MDFIC2: variants seen among roughly 807,000 people sequenced by gnomAD.
MDFIC2 encodes the protein MyoD family inhibitor domain containing 2, also known as myoD family inhibitor domain-containing protein 2.
chr3:70,264,150 A>G (rs1316656036), intron 2 of MDFIC2, among the ~76,000 whole-genome samples: 2 of 152,352 alleles, frequency 1.3e-5, no homozygotes, highest in Admixed American at 1.3e-4. Context: ...AAAATGTAGC[A>G]TATGTTTTGC....
At chr3:70,204,298 C>T (rs1169167113) in intron 3 of MDFIC2, among the ~76,000 whole-genome samples, 1 of 151,950 alleles carries the variant, frequency 6.6e-6, no homozygotes, top group African/African-American at 2.4e-5. Flanking sequence ...TCAGTACGAA[C>T]AATGACCCCA....
chr3:70,232,635 T>C (rs1392680946), intron 2 of MDFIC2, among the ~76,000 whole-genome samples: 1 of 152,060 alleles, frequency 6.6e-6, no homozygotes, highest in East Asian at 1.9e-4. Flanking sequence ...CCTGAGCTCG[T>C]GATCCGCCCG....
At chr3:70,217,015 A>G (rs1033134197) in intron 2 of MDFIC2, among the ~76,000 whole-genome samples, 18 of 152,156 alleles carry the variant, frequency 1.2e-4, no homozygotes, top group Admixed American at 6.5e-5. Context: ...ATCACCAGCC[A>G]TTGCTATCAC....
intron 2 of MDFIC2, among the ~76,000 whole-genome samples, chr3:70,264,364 A>G (rs1701896015): frequency 6.6e-6 from 1 of 152,184 alleles, no homozygotes; most frequent in Non-Finnish European, 1.5e-5. Context: ...TTAGTCTTCT[A>G]AGAGTGGATT....
chr3:70,214,110 A>G (rs1320096499), intron 2 of MDFIC2, among the ~76,000 whole-genome samples: 1 of 152,128 alleles, frequency 6.6e-6, no homozygotes, highest in Non-Finnish European at 1.5e-5. Context: ...ATAAGTAACT[A>G]TGGAGTATTC....
At position 70,196,544 on chromosome 3, in the gene MDFIC2, A is replaced by G. The variant is rs2106716131; in HGVS notation, c.*382T>C. Among the ~76,000 whole-genome samples the G allele has an allele frequency of 6.6e-6, 1 of 152,330 alleles. No individual in the cohort carries two copies. Among genetic ancestry groups the G allele is most frequent in the Middle Eastern group, 3.4e-3 (1 of 294 alleles). Reference sequence around the variant, plus strand: ...CGAGCTAATGTATGTCAATTCTAAAAGAATGCACTAATTTGTCCTGAATTT... The same window carrying G: ...CGAGCTAATGTATGTCAATTCTAAAGGAATGCACTAATTTGTCCTGAATTT... On this transcript the variant is annotated 3_prime_UTR_variant, in exon 4 of 4. Transcript: ENST00000567252.
At chr3:70,286,489 G>A (rs1322043428) in intron 2 of MDFIC2, among the ~76,000 whole-genome samples, 13 of 151,716 alleles carry the variant, frequency 8.6e-5, no homozygotes, top group Non-Finnish European at 1.6e-4. Flanking sequence ...AAGTCAGGTA[G>A]TGTGATGCCT....
At chr3:70,203,843 A>T (rs913219571) in intron 3 of MDFIC2, among the ~76,000 whole-genome samples, 1 of 152,206 alleles carries the variant, frequency 6.6e-6, no homozygotes, top group South Asian at 2.1e-4. Flanking sequence ...TATATTTCTG[A>T]CTTTCTTATC....
chr3:70,235,807 A>T (rs749790791), intron 2 of MDFIC2, among the ~76,000 whole-genome samples: 5 of 152,200 alleles, frequency 3.3e-5, no homozygotes, highest in Admixed American at 6.5e-5. Context: ...ATCTATAGAA[A>T]AGAAATAATT....
intron 2 of MDFIC2, among the ~76,000 whole-genome samples, chr3:70,264,157 T>C (rs1701893327): frequency 6.6e-6 from 1 of 152,244 alleles, no homozygotes; most frequent in Non-Finnish European, 1.5e-5. Flanking sequence ...AGCATATGTT[T>C]TGCATTTATT....
intron 2 of MDFIC2, among the ~76,000 whole-genome samples, chr3:70,222,951 A>G (rs1235343820): frequency 3.3e-5 from 5 of 152,208 alleles, no homozygotes; most frequent in Non-Finnish European, 4.4e-5. Flanking sequence ...TAATTTATAT[A>G]TCATGACCTG....
intron 2 of MDFIC2, among the ~76,000 whole-genome samples, chr3:70,281,643 C>T (rs528187088): frequency 3.3e-5 from 5 of 152,190 alleles, no homozygotes; most frequent in Admixed American, 6.6e-5. Context: ...TTATGTCTCT[C>T]GGTATTTATG....
intron 2 of MDFIC2, among the ~76,000 whole-genome samples, chr3:70,233,726 T>C (rs1038661428): frequency 1.7e-4 from 26 of 152,362 alleles, no homozygotes; most frequent in African/African-American, 6.3e-4. Context: ...TAAAATTTCA[T>C]GTAAACTGAA....
At chr3:70,205,854 A>G (rs1701285717) in intron 3 of MDFIC2, 1 of 152,116 alleles carries the variant, frequency 6.6e-6, no homozygotes, top group Admixed American at 6.6e-5. Flanking sequence ...ACTGAACACT[A>G]CAAAATCTTG....
rs189909478 is a variant in MDFIC2 at position 70,291,724 on chromosome 3, A to G, written c.88+20162T>C. 14 of 152,322 alleles carry G rather than the reference A, an allele frequency of 9.2e-5. No homozygotes were observed. The East Asian group carries it at 2.5e-3, about 27-fold the overall frequency. 9.4% of individuals were successfully genotyped at this position (152,322 alleles called of 1,614,324 possible). ...ACAAAACTCCTGTGAGTCACTGACA[A>G]CAGATTAGAAAATGACAGTTCAAGA... On this transcript the variant is annotated intron_variant, in intron 2 of 3. Coordinates refer to ENST00000567252, the MANE Select transcript of MDFIC2 (RefSeq NM_001364677.1).
intron 2 of MDFIC2, among the ~76,000 whole-genome samples, chr3:70,257,929 C>T (rs1701831904): frequency 6.6e-6 from 1 of 152,072 alleles, no homozygotes; most frequent in Non-Finnish European, 1.5e-5. Flanking sequence ...TAAGGATAGA[C>T]ATATACATCA....
intron 2 of MDFIC2, among the ~76,000 whole-genome samples, chr3:70,284,847 A>G (rs1411083673): frequency 6.6e-6 from 1 of 152,082 alleles, no homozygotes; most frequent in Non-Finnish European, 1.5e-5. Context: ...AACCCCCATG[A>G]CACAAGTTTA....
intron 2 of MDFIC2, among the ~76,000 whole-genome samples, chr3:70,287,847 G>C (rs1458778084): frequency 6.6e-6 from 1 of 151,866 alleles, no homozygotes; most frequent in Admixed American, 6.6e-5. Flanking sequence ...TATTTGCGTA[G>C]AGGTGTTTGT....
intron 2 of MDFIC2, among the ~76,000 whole-genome samples, chr3:70,305,556 G>A (rs1285921376): frequency 2.6e-5 from 4 of 152,198 alleles, no homozygotes; most frequent in African/African-American, 7.2e-5. Flanking sequence ...AAGTACATGA[G>A]TTCCTTGAGG....
Sources: allele counts gnomAD v4.1 joint callset (sites outside exome capture counted in the v4.1 genomes callset), GRCh38; gene constraint gnomAD v4.1.1; transcripts MANE v1.5; gene names NCBI Gene and HGNC (gene_info 2026-07-23, HGNC 2026-07-21).